Variants in C5 observed in about 807,000 individuals in gnomAD.
C5 encodes C3 and PZP-like alpha-2-macroglobulin domain-containing protein 4.
In C5, 140 loss-of-function variants were observed where a neutral mutation model predicts 218.8. The ratio of observed to expected loss-of-function variants is 0.64; its 90% CI spans 0.56 to 0.74. The LOEUF is 0.74. Among genes scored for constraint, C5 ranks in the 30% least tolerant of loss-of-function variants. The pLI, the probability that C5 is intolerant of heterozygous loss-of-function variation, is 0.00. For missense variants in C5, 1,700 were observed against 1,969.6 expected (o/e 0.86, Z 2.59); for synonymous variants, 614 against 682.3 (o/e 0.90, Z 1.56).
chr9:121,073,058 C>T, the C5 span, among the ~76,000 whole-genome samples: 1 of 152,090 alleles, frequency 6.6e-6, no homozygotes, highest in East Asian at 1.9e-4. Context: ...GCAGCTTATT[C>T]CCTGTTGGAC....
At chr9:120,970,002 AT>A (rs2046898774) in intron 32 of C5, among the ~76,000 whole-genome samples, 167 bp downstream of exon 32, 1 of 152,258 alleles carries the variant, frequency 6.6e-6, no homozygotes, top group African/African-American at 2.4e-5. Flanking sequence ...AGAGTTATCT[AT>A]TGTAAAAAAT....
At chr9:120,965,521 AAAATAAATAAATAAATAAAT>A (rs201361366) in intron 33 of C5, among the ~76,000 whole-genome samples, 11 of 146,994 alleles carry the variant, frequency 7.5e-5, no homozygotes, top group African/African-American at 2.0e-4. Flanking sequence ...CTCTGCCTCA[AAAATAAATAAATAAATAAAT>A]AAATAAATAA....
chr9:121,032,490 A>G (rs774644560), intron 5 of C5, among the ~76,000 whole-genome samples: 1 of 152,180 alleles, frequency 6.6e-6, no homozygotes, highest in Non-Finnish European at 1.5e-5. Flanking sequence ...ATTTCTGAGA[A>G]TTTATTTAAT....
At chr9:120,956,890 G>A in intron 39 of C5, 1 of 279,730 alleles carries the variant, frequency 3.6e-6, no homozygotes, top group Non-Finnish European at 6.9e-6. Flanking sequence ...AGGGTAGAGG[G>A]TGAGGATTGA....
chr9:120,999,790 C>A, intron 20 of C5: 2 of 372,084 alleles, frequency 5.4e-6, no homozygotes, highest in South Asian at 1.9e-5. Flanking sequence ...GAACTAAGCC[C>A]AAAATATCAC....
chr9:121,021,893 G>A (rs886732420), intron 10 of C5, among the ~76,000 whole-genome samples, 199 bp from the exon 11 acceptor site: 9 of 151,566 alleles, frequency 5.9e-5, no homozygotes, highest in Non-Finnish European at 1.3e-4. Flanking sequence ...CAATCATAGC[G>A]CACTGCAACC....
chr9:121,015,816 A>C (rs1192153044), intron 15 of C5, among the ~76,000 whole-genome samples: 1 of 152,200 alleles, frequency 6.6e-6, no homozygotes, highest in East Asian at 1.9e-4. Flanking sequence ...TCCCTGCAAT[A>C]GCCTCCCTAT....
intron 3 of C5, among the ~76,000 whole-genome samples, chr9:121,040,811 G>A (rs2047571489): frequency 6.6e-6 from 1 of 152,192 alleles, no homozygotes; most frequent in South Asian, 2.1e-4. Flanking sequence ...CTTGAACCCA[G>A]ACAATCTGAC....
At chr9:121,070,277 A>C in the C5 span, among the ~76,000 whole-genome samples, 2 of 151,296 alleles carry the variant, frequency 1.3e-5, no homozygotes, top group Non-Finnish European at 1.5e-5. Flanking sequence ...GAATCGCTTG[A>C]ACCTAGGAGG....
chr9:120,961,035 G>A (rs2046823500), intron 37 of C5, among the ~76,000 whole-genome samples: 2 of 152,156 alleles, frequency 1.3e-5, no homozygotes, highest in African/African-American at 4.8e-5. Flanking sequence ...TTGATTATTG[G>A]TGAGTTCTGG....
At chr9:121,056,843 C>G in the C5 span, among the ~76,000 whole-genome samples, 16 of 152,114 alleles carry the variant, frequency 1.1e-4, no homozygotes, top group African/African-American at 3.6e-4. Context: ...AGACAACTTT[C>G]CAAACCTAGA....
chr9:121,034,580 TC>T (rs1370420997), intron 5 of C5, among the ~76,000 whole-genome samples: 4 of 152,240 alleles, frequency 2.6e-5, no homozygotes, highest in Non-Finnish European at 4.4e-5. Flanking sequence ...TACTATTTTT[TC>T]CTCTTCCCAA....
intron 10 of C5, 104 bp from the exon 11 acceptor site, chr9:121,021,798 T>G: frequency 3.6e-6 from 4 of 1,118,002 alleles, no homozygotes; most frequent in Non-Finnish European, 5.4e-6. Context: ...ATAAATTATT[T>G]ATGTATTTTT....
rs78507585 is a variant in C5, at chr9:120,998,536, C to T, written c.2563-762G>A. ...ATCAAAGACTGAAAATTCCCTATAT[C>T]GGCATTCAAGGCCCTGCCCATTATG... On this transcript the variant is annotated intron_variant, in intron 20 of 40. Coordinates refer to ENST00000223642, the MANE Select transcript of C5 (RefSeq NM_001735.3). Among the ~76,000 whole-genome samples the T allele has an allele frequency of 8.5e-5, 13 of 152,286 alleles. No individual in the cohort carries two copies. The East Asian group carries it at 1.2e-3, about 14-fold the overall frequency.
At chr9:121,001,521 G>T (rs1414598928) in intron 20 of C5, among the ~76,000 whole-genome samples, 1 of 152,032 alleles carries the variant, frequency 6.6e-6, no homozygotes, top group African/African-American at 2.4e-5. Flanking sequence ...ATATAGCGCG[G>T]TCTTTCATGT....
At chr9:121,035,671 G>A (rs2047518220) in intron 4 of C5, among the ~76,000 whole-genome samples, 1 of 151,824 alleles carries the variant, frequency 6.6e-6, no homozygotes, top group Non-Finnish European at 1.5e-5. Context: ...ACAGGCTCAA[G>A]CAATCCTCCC....
At position 121,034,823 on chromosome 9, in the gene C5, G is replaced by T. The variant is rs2047509454; in HGVS notation, c.564C>A (p.Phe188Leu). The T allele has an allele frequency of 6.4e-7, 1 of 1,567,796 alleles. No individual in the cohort carries two copies. Among genetic ancestry groups the T allele is most frequent in the Non-Finnish European group, 8.8e-7 (1 of 1,138,906 alleles). ...DHIGIISFPD[F>L]KIPSNPRYGM... ...CATACCTAGGATTAGACGGAATCTT[G>T]AAGTCAGGAAAAGAGATAATTCCAA... The change falls in exon 5 of 41, where the codon TTC (phenylalanine) becomes TTA (leucine). Residue 188 changes from phenylalanine to leucine, a missense_variant. Coordinates refer to ENST00000223642, the MANE Select transcript of C5 (RefSeq NM_001735.3).
Position 121,015,224 on chromosome 9 carries a change from C to A in C5, c.2034G>T (p.Thr678=), listed in dbSNP as rs1288625842. The A allele has an allele frequency of 1.2e-6, 2 of 1,607,120 alleles. No homozygotes were observed. Among genetic ancestry groups the A allele is most frequent in the Admixed American group, 1.7e-5 (1 of 59,952 alleles). ...CTATTTCTTCTATCTTCTTTTGCAGCGTTCTTCTTGGCCTGAGAATTTCTT... is the reference window on the plus strand; with the variant it reads ...CTATTTCTTCTATCTTCTTTTGCAGAGTTCTTCTTGGCCTGAGAATTTCTT... ...PCKEILRPRR[T]LQKKIEEIAA... Residue 678 remains threonine (T), a synonymous_variant, in exon 16 of 41, where the codon ACG becomes ACT. Transcript: ENST00000223642.
intron 12 of C5, among the ~76,000 whole-genome samples, chr9:121,018,532 C>T (rs971351582): frequency 6.8e-6 from 1 of 147,966 alleles, no homozygotes; most frequent in Non-Finnish European, 1.5e-5. Flanking sequence ...CGAAATCATG[C>T]CACTGCACTC....
Sources: allele counts gnomAD v4.1 joint callset (sites outside exome capture counted in the v4.1 genomes callset), GRCh38; gene constraint gnomAD v4.1.1; transcripts MANE v1.5; gene names NCBI Gene and HGNC (gene_info 2026-07-23, HGNC 2026-07-21).